RASSF8: variants seen among roughly 807,000 people sequenced by gnomAD.
RASSF8 encodes the protein Ras association domain family member 8, also known as ras association domain-containing protein 8.
RASSF8 carries 22 observed loss-of-function variants against 48.5 expected under a neutral mutation model. That is an observed-to-expected ratio of 0.45 (90% CI 0.32 to 0.65). The LOEUF is 0.65. Among genes scored for constraint, RASSF8 ranks in the 30% least tolerant of loss-of-function variants. The pLI, the probability that RASSF8 is intolerant of heterozygous loss-of-function variation, is 0.03. For missense variants in RASSF8, 418 were observed against 489.2 expected, an observed-to-expected ratio of 0.85 and a Z score of 1.37; for synonymous variants, 127 against 171.5, an observed-to-expected ratio of 0.74 and a Z score of 2.03.
At chr12:26,076,767 TG>T (rs1944076284), downstream of RASSF8, among the ~76,000 whole-genome samples, 2 of 152,238 alleles carry the variant, frequency 1.3e-5, no homozygotes, top group African/African-American at 2.4e-5. Context: ...TATAATCCTT[TG>T]GGTATATACC....
In RASSF8 at chr12:26,071,101, T is replaced by C. The variant is rs907964861; in HGVS notation, c.*2283T>C. On this transcript the variant is annotated 3_prime_UTR_variant, in exon 6 of 6. Coordinates refer to ENST00000689635, the MANE Select transcript of RASSF8 (RefSeq NM_001394098.1). The stretch of plus-strand genomic sequence containing the variant: ...CGAAAGTATAGAAATGTGAATATGT[T>C]GAATACATTGAGAAGCTGTACTTTT... 2.3e-5 allele frequency: 22 copies of C among 970,552 alleles called. No individual in the cohort carries two copies. The African/African-American group carries it at 3.9e-4, about 17-fold the overall frequency. The allele number at this position is 970,552 out of a possible 1,614,324, so 60.1% of individuals were successfully genotyped here.
At position 26,064,857 on chromosome 12, in the gene RASSF8, G is replaced by T. The variant is rs376924444; in HGVS notation, c.463G>T (p.Val155Leu). The change falls in exon 4 of 6, where the codon GTG (valine) becomes TTG (leucine). Residue 155 changes from valine (V) to leucine (L), a missense_variant. By Grantham distance (32) the Val-to-Leu change is conservative. Transcript: ENST00000689635. Reference protein sequence around the residue: ...KGKETEFKQKVLNNCKTTADE... With the variant: ...KGKETEFKQKLLNNCKTTADE... Reference sequence around the variant, plus strand: ...TAAAGAAACTGAGTTTAAGCAAAAGGTGCTGAATAACTGCAAAACAACAGC... The same window carrying T: ...TAAAGAAACTGAGTTTAAGCAAAAGTTGCTGAATAACTGCAAAACAACAGC... 9 of 1,614,086 alleles carry T rather than the reference G, an allele frequency of 5.6e-6. No homozygotes were observed. Among genetic ancestry groups the T allele is most frequent in the Non-Finnish European group, 7.6e-6 (9 of 1,180,036 alleles).
chr12:26,063,205 T>C (rs997091651), intron 3 of RASSF8, among the ~76,000 whole-genome samples: 2 of 152,146 alleles, frequency 1.3e-5, no homozygotes, highest in Non-Finnish European at 2.9e-5. Flanking sequence ...TGGTTTTTTT[T>C]CTTTGTAATT....
chr12:26,021,407 G>C (rs1243066329), intron 2 of RASSF8: 1 of 152,194 alleles, frequency 6.6e-6, no homozygotes, highest in Non-Finnish European at 1.5e-5. Context: ...GAGGTGATCA[G>C]GTCTTAAGGG....
chr12:26,073,730 A>ACTCACT (rs1944039452), downstream of RASSF8, among the ~76,000 whole-genome samples: 2 of 138,248 alleles, frequency 1.4e-5, no homozygotes, highest in African/African-American at 5.6e-5. Context: ...CAAAAGCGAG[A>ACTCACT]CTCTCTCTCT....
chr12:25,992,048 T>C (rs866437517), intron 1 of RASSF8, among the ~76,000 whole-genome samples: 16 of 152,172 alleles, frequency 1.1e-4, no homozygotes, highest in Non-Finnish European at 2.1e-4. Flanking sequence ...TAGATAACTG[T>C]TTTTCAGACA....
chr12:26,075,148 A>G (rs1263128385), downstream of RASSF8, among the ~76,000 whole-genome samples: 4 of 152,156 alleles, frequency 2.6e-5, no homozygotes, highest in Non-Finnish European at 4.4e-5. Context: ...TGAGCCAGGA[A>G]ATGAACCAAA....
intron 2 of RASSF8, among the ~76,000 whole-genome samples, chr12:26,001,096 C>G (rs1006920492): frequency 4.0e-5 from 6 of 150,646 alleles, no homozygotes; most frequent in Non-Finnish European, 8.9e-5. Context: ...GTGATCCTCC[C>G]GCTTCAGCCT....
At chr12:26,061,558 T>G (rs1349476479) in intron 3 of RASSF8, among the ~76,000 whole-genome samples, 1 of 150,066 alleles carries the variant, frequency 6.7e-6, no homozygotes, top group African/African-American at 2.5e-5. Context: ...ATGCCATAGA[T>G]AGACAGACAG....
chr12:26,067,835 G>A lies in RASSF8; in HGVS notation c.1138+122G>A, dbSNP rs772325788. 91 of 1,306,462 alleles carry A rather than the reference G, an allele frequency of 7.0e-5. No individual in the cohort carries two copies. The African/African-American group carries it at 7.6e-4, about 11-fold the overall frequency. 80.9% of individuals were successfully genotyped at this position (1,306,462 alleles called of 1,614,324 possible). On this transcript the variant is annotated intron_variant, in intron 5 of 5. Coordinates refer to ENST00000689635, the MANE Select transcript of RASSF8 (RefSeq NM_001394098.1). ...GCTGGAATGCCAGGGGTATTACCAC[G>A]GCTTACTGCAGCCTCGACCTCCTGG...
At chr12:26,026,202 G>A (rs1942909036) in intron 2 of RASSF8, among the ~76,000 whole-genome samples, 1 of 152,070 alleles carries the variant, frequency 6.6e-6, no homozygotes, top group African/African-American at 2.4e-5. Context: ...AACTTTAATG[G>A]GAAAATATTT....
chr12:26,020,403 G>A lies in RASSF8; in HGVS notation c.-109+25273G>A, dbSNP rs558549462. On this transcript the variant is annotated intron_variant, in intron 2 of 5. Transcript: ENST00000689635. ...TTGTTTTTATGCTCCCCCAGTTTGTGGTAATTTGCTACTGCATCTCCAGGA... is the reference window on the plus strand; with the variant it reads ...TTGTTTTTATGCTCCCCCAGTTTGTAGTAATTTGCTACTGCATCTCCAGGA... 3 of 152,066 alleles carry A rather than the reference G, an allele frequency of 2.0e-5. No homozygotes were observed. The East Asian group carries it at 5.8e-4, about 29-fold the overall frequency. 9.4% of individuals were successfully genotyped at this position (152,066 alleles called of 1,614,324 possible).
At chr12:26,049,912 G>A (rs1457801924) in intron 2 of RASSF8, among the ~76,000 whole-genome samples, 1 of 152,278 alleles carries the variant, frequency 6.6e-6, no homozygotes, top group East Asian at 1.9e-4. Flanking sequence ...AGCCTCCCAA[G>A]TAGCTGGGAC....
chr12:25,986,205 C>A (rs1286981805), intron 1 of RASSF8, among the ~76,000 whole-genome samples: 4 of 152,080 alleles, frequency 2.6e-5, no homozygotes, highest in Non-Finnish European at 5.9e-5. Flanking sequence ...ATAGGTGTGG[C>A]CTTGATTTAC....
chr12:26,041,280 T>G (rs1006170938), intron 2 of RASSF8, among the ~76,000 whole-genome samples: 21 of 152,176 alleles, frequency 1.4e-4, no homozygotes, highest in Admixed American at 8.5e-4. Context: ...AAGCTGAGTT[T>G]TTGAGGATTT....
intron 1 of RASSF8, among the ~76,000 whole-genome samples, chr12:25,984,271 G>T (rs917279768): frequency 6.8e-6 from 1 of 147,560 alleles, no homozygotes; most frequent in African/African-American, 2.5e-5. Context: ...TAGAGATGGG[G>T]TCTTGTTATG....
At position 26,050,372 on chromosome 12, in the gene RASSF8, A is replaced by G. The variant is rs74071665; in HGVS notation, c.-108-4864A>G. Reference sequence around the variant, plus strand: ...TTATACTTTTTAAGTTAGAACTTTCACTTCTGTCCCAGACCTAACTCTTGA... The same window carrying G: ...TTATACTTTTTAAGTTAGAACTTTCGCTTCTGTCCCAGACCTAACTCTTGA... On this transcript the variant is annotated intron_variant, in intron 2 of 5. Transcript: ENST00000689635. Among the ~76,000 whole-genome samples, 565 of 152,310 alleles carry G rather than the reference A, an allele frequency of 3.7e-3. 6 individuals carry two copies. The highest frequency in any genetic ancestry group is 0.013 in the African/African-American group (553 of 41,570).
At chr12:25,985,792 G>A (rs1375653938) in intron 1 of RASSF8, among the ~76,000 whole-genome samples, 1 of 150,794 alleles carries the variant, frequency 6.6e-6, no homozygotes, top group Non-Finnish European at 1.5e-5. Context: ...GTGGAGTCCT[G>A]GCTAAAGGCA....
At chr12:25,983,796 A>G (rs965214029) in intron 1 of RASSF8, among the ~76,000 whole-genome samples, 7 of 152,184 alleles carry the variant, frequency 4.6e-5, no homozygotes, top group Non-Finnish European at 7.4e-5. Context: ...GGGTGATACT[A>G]AAAATAGTGA....
Sources: allele counts gnomAD v4.1 joint callset (sites outside exome capture counted in the v4.1 genomes callset), GRCh38; gene constraint gnomAD v4.1.1; transcripts MANE v1.5; gene names NCBI Gene and HGNC (gene_info 2026-07-23, HGNC 2026-07-21).